CPNE7: variants seen among roughly 807,000 people sequenced by gnomAD.
CPNE7 encodes the protein copine 7, also known as copine-7.
In CPNE7, 78 loss-of-function variants were observed where a neutral mutation model predicts 66.5. The ratio of observed to expected loss-of-function variants is 1.17; its 90% confidence interval spans 0.98 to 1.42. The LOEUF (loss-of-function observed/expected upper bound fraction) is 1.42. Ranked by LOEUF, CPNE7 falls within the 40% of genes most tolerant of loss-of-function variation. CPNE7 has a pLI of 0.00. For synonymous variants in CPNE7, 468 were observed against 336.7 expected, an observed-to-expected ratio of 1.39 and a Z score of -4.27; for missense variants, 1,012 against 776.6, an observed-to-expected ratio of 1.30 and a Z score of -3.60.
rs554994356 is a variant in CPNE7, at chr16:89,579,771, C to G, written c.357+2050C>G. On this transcript the variant is annotated intron_variant, in intron 2 of 14. Transcript: ENST00000319518. Reference sequence around the variant, plus strand: ...CACACAGAACATCTCACCCATCACACGGAACATCCCGTCACCCGCTGACAC... The same window carrying G: ...CACACAGAACATCTCACCCATCACAGGGAACATCCCGTCACCCGCTGACAC... Among the ~76,000 whole-genome samples, 179 of 143,218 alleles carry G rather than the reference C, an allele frequency of 1.2e-3. 1 individual carries two copies. The highest frequency in any genetic ancestry group is 4.4e-3 in the African/African-American group (171 of 38,664). The allele number at this position is 143,218 out of a possible 152,430, so 94.0% of individuals were successfully genotyped here.
intron 3 of CPNE7, 114 bp downstream of exon 3, chr16:89,583,885 G>C (rs964595049): frequency 5.5e-6 from 8 of 1,449,064 alleles, no homozygotes; most frequent in Non-Finnish European, 7.6e-6. Flanking sequence ...TGCAGGAGCC[G>C]GCAGCTACAC....
At chr16:89,596,201 C>T (rs1429187088) in intron 14 of CPNE7, among the ~76,000 whole-genome samples, 1 of 152,234 alleles carries the variant, frequency 6.6e-6, no homozygotes, top group Non-Finnish European at 1.5e-5. Context: ...CACGCTCAGG[C>T]TTTGCCGGGG....
intron 13 of CPNE7, among the ~76,000 whole-genome samples, chr16:89,591,788 T>C (rs1464239881): frequency 3.3e-5 from 5 of 151,050 alleles, no homozygotes; most frequent in African/African-American, 1.2e-4. Flanking sequence ...CAACCTCTGC[T>C]TCCCGGGGTT....
Position 89,578,898 on chromosome 16 carries a change from T to A in CPNE7, c.357+1177T>A, listed in dbSNP as rs77799181. On this transcript the variant is annotated intron_variant, in intron 2 of 14. Coordinates refer to ENST00000319518, the MANE Select transcript of CPNE7 (RefSeq NM_153636.3). ...TTCTGCAAGTCGTGATGAGAGTGTCTGTTGATGTGCTGGGCCCTGCTGGAC... is the reference window on the plus strand; with the variant it reads ...TTCTGCAAGTCGTGATGAGAGTGTCAGTTGATGTGCTGGGCCCTGCTGGAC... The A allele has an allele frequency of 2.5e-3, 4,072 of 1,613,672 alleles. 95 individuals carry two copies. In the African/African-American group the frequency reaches 0.048, roughly 19 times the overall value.
At chr16:89,582,448 C>T (rs1199514117) in intron 2 of CPNE7, among the ~76,000 whole-genome samples, 1 of 152,246 alleles carries the variant, frequency 6.6e-6, no homozygotes, top group Non-Finnish European at 1.5e-5. Flanking sequence ...CCACTCCTTT[C>T]CTGCGCCCTC....
At chr16:89,589,304 C>G (rs1012990464) in intron 10 of CPNE7, among the ~76,000 whole-genome samples, 5 of 151,570 alleles carry the variant, frequency 3.3e-5, no homozygotes, top group African/African-American at 1.2e-4. Flanking sequence ...AAAAAAGAGA[C>G]TCTGCGAGGA....
At chr16:89,592,981 T>A (rs1221751069) in intron 13 of CPNE7, among the ~76,000 whole-genome samples, 1 of 150,570 alleles carries the variant, frequency 6.6e-6, no homozygotes, top group Non-Finnish European at 1.5e-5. Flanking sequence ...CCCGGCTAAT[T>A]TTTATATTTT....
At chr16:89,586,078 G>A (rs1209728172) in intron 7 of CPNE7, among the ~76,000 whole-genome samples, 1 of 150,600 alleles carries the variant, frequency 6.6e-6, no homozygotes, top group Admixed American at 6.6e-5. Flanking sequence ...CCTCTGGGGA[G>A]GGGCAGGTGA....
chr16:89,592,502 G>C (rs1370552448), intron 13 of CPNE7, among the ~76,000 whole-genome samples: 1 of 149,330 alleles, frequency 6.7e-6, no homozygotes, highest in Non-Finnish European at 1.5e-5. Flanking sequence ...AGCTGTAGTG[G>C]TGCAATCTCG....
chr16:89,587,461 G>A (rs1404435166), intron 9 of CPNE7: 7 of 429,876 alleles, frequency 1.6e-5, no homozygotes, highest in African/African-American at 6.4e-5. Context: ...TTGCGCAGGC[G>A]AGGAAACGGG....
Position 89,588,766 on chromosome 16 carries a change from A to G in CPNE7, c.1019A>G (p.Lys340Arg), listed in dbSNP as rs768136269. 3 of 1,613,720 alleles carry G rather than the reference A, an allele frequency of 1.9e-6. No homozygotes were observed. The highest frequency in any genetic ancestry group is 3.3e-5 in the Admixed American group (2 of 60,008). ...CCCTACCAGCCGAACGAGTACCTGA[A>G]GGCACTGGTGTCCGTGGGCGAGATC... ...INPYQPNEYL[K>R]ALVSVGEICQ... The change falls in exon 10 of 15, where the codon AAG (lysine) becomes AGG (arginine). Residue 340 changes from lysine to arginine, a missense_variant. By Grantham distance (26) the Lys-to-Arg change is conservative. Transcript: ENST00000319518.
At chr16:89,576,214 G>A (rs1395087411) in intron 1 of CPNE7, 143 bp downstream of exon 1, 1 of 602,638 alleles carries the variant, frequency 1.7e-6, no homozygotes, top group African/African-American at 1.9e-5. Context: ...TCGGGGTCAG[G>A]GTTGGGGGTT....
At position 89,587,712 on chromosome 16, in the gene CPNE7, CAT is replaced by C. The variant is rs2059080643; in HGVS notation, c.927+612_927+613del. The stretch of plus-strand genomic sequence containing the variant: ...AGATACGCACACCCCGTGTCACCCC[CAT>C]AGCACCCCCGTGTCACCCACAGATA... On this transcript the variant is annotated intron_variant, in intron 9 of 14. Transcript: ENST00000319518. 2 of 323,742 alleles carry C rather than the reference CAT, an allele frequency of 6.2e-6. 1 individual carries two copies. The highest frequency in any genetic ancestry group is 1.3e-5 in the Non-Finnish European group (2 of 153,408). 20.1% of individuals were successfully genotyped at this position (323,742 alleles called of 1,614,324 possible).
chr16:89,582,552 C>T (rs561768824), intron 2 of CPNE7, among the ~76,000 whole-genome samples: 1 of 152,334 alleles, frequency 6.6e-6, no homozygotes, highest in African/African-American at 2.4e-5. Context: ...ATCAGGGAAT[C>T]TTGGGGGGCC....
rs1411652408 is a variant in CPNE7 at position 89,596,785 on chromosome 16, C to T, written c.*164C>T. 8 of 959,156 alleles carry T rather than the reference C, an allele frequency of 8.3e-6. No homozygotes were observed. Among genetic ancestry groups the T allele is most frequent in the Non-Finnish European group, 1.1e-5 (8 of 704,700 alleles). 59.4% of individuals were successfully genotyped at this position (959,156 alleles called of 1,614,324 possible). ...TGGGATCCTGCTGGCTTGGGCCCGG[C>T]TCTGGGGCCCCCAAGGCCGAAGGGT... is the stretch of plus-strand genomic sequence containing the variant. On this transcript the variant is annotated 3_prime_UTR_variant, in exon 15 of 15. Transcript: ENST00000319518.
At chr16:89,577,447 CT>C in intron 1 of CPNE7, 91 bp from the exon 2 acceptor site, 1 of 1,313,320 alleles carries the variant, frequency 7.6e-7, no homozygotes, top group South Asian at 1.4e-5. Context: ...CCTGAGGTAC[CT>C]GGGCGTGGGT....
In CPNE7 at chr16:89,591,261, G is replaced by A; in HGVS notation, c.1302+1G>A. Reference sequence around the variant, plus strand: ...CGAGGAGAGCACCGGGAAAGCCTCTGTAGGTGCCCGGGGGGTGTGGTGCAT... The same window carrying A: ...CGAGGAGAGCACCGGGAAAGCCTCTATAGGTGCCCGGGGGGTGTGGTGCAT... On this transcript the variant is annotated splice_donor_variant, in intron 13 of 14. Coordinates refer to ENST00000319518, the MANE Select transcript of CPNE7 (RefSeq NM_153636.3). LOFTEE classifies it high-confidence loss of function. 1.3e-6 allele frequency: 2 copies of A among 1,572,900 alleles called. No individual in the cohort carries two copies. The highest frequency in any genetic ancestry group is 8.6e-7 in the Non-Finnish European group (1 of 1,159,748).
rs915772031 is a variant in CPNE7 at position 89,585,719 on chromosome 16, G to C, written c.714G>C (p.Lys238Asn). ...TCTGGGATTACGACTCTCGAGGAAA[G>C]CACGACTTCATCGGAGAATTCTCTA... ...CLVWDYDSRG[K>N]HDFIGEFSTT... The change falls in exon 7 of 15, where the codon AAG becomes AAC. Residue 238 changes from lysine to asparagine, a missense_variant. Lys to Asn is a moderately conservative substitution (Grantham distance 94). Coordinates refer to ENST00000319518, the MANE Select transcript of CPNE7 (RefSeq NM_153636.3). The C allele has an allele frequency of 6.5e-7, 1 of 1,549,262 alleles. No individual in the cohort carries two copies. Among genetic ancestry groups the C allele is most frequent in the Non-Finnish European group, 8.7e-7 (1 of 1,146,880 alleles).
intron 6 of CPNE7, 43 bp from the exon 7 acceptor site, chr16:89,585,644 G>A: frequency 6.4e-7 from 1 of 1,553,246 alleles, no homozygotes; most frequent in African/African-American, 1.4e-5. Context: ...GGAGGGTCCT[G>A]GGGCCCCCAG....
Sources: gnomAD v4.1 joint callset for allele counts (sites outside exome capture counted in the v4.1 genomes callset) on GRCh38, gnomAD v4.1.1 for gene constraint, MANE v1.5 for transcripts, NCBI Gene and HGNC (gene_info 2026-07-23, HGNC 2026-07-21) for gene names.